The following NLK variants were observed in gnomAD, a reference collection of about 807,000 sequenced individuals.
The protein encoded by NLK is nemo like kinase, also known as serine/threonine-protein kinase NLK.
Under a neutral mutation model 59.0 loss-of-function variants are expected in NLK, and 11 were observed. The ratio of observed to expected loss-of-function variants is 0.19; its 90% CI spans 0.12 to 0.31. NLK has a LOEUF of 0.31. Among genes scored for constraint, NLK ranks in the 10% least tolerant of loss-of-function variants. The probability of loss-of-function intolerance (pLI) is 1.00; values close to 1 mark genes in which losing one functional copy is unlikely to be tolerated. For synonymous variants in NLK, 235 were observed against 235.9 expected (o/e 1.00, Z 0.03); for missense variants, 410 against 661.1 (o/e 0.62, Z 4.16).
At chr17:28,060,971 GAGT>G in intron 1 of NLK, among the ~76,000 whole-genome samples, 1 of 152,314 alleles carries the variant, frequency 6.6e-6, no homozygotes, top group East Asian at 1.9e-4. Context: ...AAATGTCTAT[GAGT>G]AGTAGAGTGG....
At chr17:28,056,873 T>C (rs1315156562) in intron 1 of NLK, among the ~76,000 whole-genome samples, 1 of 152,118 alleles carries the variant, frequency 6.6e-6, no homozygotes, top group Non-Finnish European at 1.5e-5. Flanking sequence ...TTTGAAAGAA[T>C]TGTATGATAT....
chr17:28,191,257 C>T, intron 9 of NLK, 38 bp downstream of exon 9: 1 of 1,492,610 alleles, frequency 6.7e-7, no homozygotes, highest in Non-Finnish European at 9.1e-7. Context: ...GGCAATATGC[C>T]TAGTAACATT....
At chr17:28,156,580 G>A (rs1461221320) in intron 3 of NLK, among the ~76,000 whole-genome samples, 1 of 152,092 alleles carries the variant, frequency 6.6e-6, no homozygotes, top group African/African-American at 2.4e-5. Context: ...GAGGGGGAGG[G>A]GGATGGTCAT....
chr17:28,125,105 C>T (rs1202059946), intron 2 of NLK, among the ~76,000 whole-genome samples: 1 of 151,944 alleles, frequency 6.6e-6, no homozygotes, highest in East Asian at 1.9e-4. Flanking sequence ...TTACTATATT[C>T]CAACCAATCT....
chr17:28,153,731 G>A (rs1304865674), intron 3 of NLK, among the ~76,000 whole-genome samples: 1 of 152,094 alleles, frequency 6.6e-6, no homozygotes, highest in Non-Finnish European at 1.5e-5. Context: ...CCTCTCCCTT[G>A]ACAATTCTGG....
intron 1 of NLK, among the ~76,000 whole-genome samples, chr17:28,103,260 A>G (rs1904963492): frequency 6.6e-6 from 1 of 152,216 alleles, no homozygotes; most frequent in Admixed American, 6.5e-5. Context: ...GAAGTATAGC[A>G]GAAGTTCCAT....
At chr17:28,124,873 A>G (rs771524370) in intron 2 of NLK, among the ~76,000 whole-genome samples, 1 of 151,880 alleles carries the variant, frequency 6.6e-6, no homozygotes, top group African/African-American at 2.4e-5. Context: ...AACGCTGCAA[A>G]ACCCCATCTC....
intron 7 of NLK, among the ~76,000 whole-genome samples, chr17:28,174,304 T>C (rs1050542362): frequency 2.2e-4 from 33 of 152,366 alleles, no homozygotes; most frequent in Non-Finnish European, 2.2e-4. Context: ...TTGAGATGTC[T>C]AAACAAATCA....
chr17:28,101,421 T>C (rs1313836979), intron 1 of NLK, among the ~76,000 whole-genome samples: 1 of 152,196 alleles, frequency 6.6e-6, no homozygotes, highest in Non-Finnish European at 1.5e-5. Flanking sequence ...GCATGGTATA[T>C]TTCTCTTTAT....
chr17:28,120,227 T>A (rs1464264407), intron 1 of NLK, among the ~76,000 whole-genome samples: 1 of 145,176 alleles, frequency 6.9e-6, no homozygotes, highest in Non-Finnish European at 1.5e-5. Context: ...ATTGCAGATT[T>A]GGCTTGGGGT....
At chr17:28,114,181 G>A (rs909807144) in intron 1 of NLK, among the ~76,000 whole-genome samples, 6 of 151,978 alleles carry the variant, frequency 3.9e-5, no homozygotes, top group South Asian at 2.1e-4. Context: ...AGTTTTAAGG[G>A]TATTACAAAT....
At position 28,097,986 on chromosome 17, in the gene NLK, A is replaced by G. The variant is rs1041158664; in HGVS notation, c.459-24617A>G. Among the ~76,000 whole-genome samples the G allele has an allele frequency of 1.1e-4, 16 of 152,260 alleles. No homozygotes were observed. In the East Asian group the frequency reaches 2.9e-3, roughly 28 times the overall value. On this transcript the variant is annotated intron_variant, in intron 1 of 10. Coordinates refer to ENST00000407008, the MANE Select transcript of NLK (RefSeq NM_016231.5). ...AAAAGTTTGTTTCTTGGCACTTTGC[A>G]TTTGCCACTTCTGTAATTTTTTAAG...
intron 1 of NLK, among the ~76,000 whole-genome samples, chr17:28,045,876 T>C (rs1173962580): frequency 1.3e-5 from 2 of 152,246 alleles, no homozygotes; most frequent in Admixed American, 1.3e-4. Context: ...ACAACTTTTT[T>C]CTAAAATGAT....
At chr17:28,059,531 G>A (rs547449054) in intron 1 of NLK, among the ~76,000 whole-genome samples, 15 of 152,194 alleles carry the variant, frequency 9.9e-5, no homozygotes, top group African/African-American at 3.4e-4. Flanking sequence ...TGTGTCCAAA[G>A]TCTTATCTAA....
chr17:28,134,568 A>C (rs953173499), intron 3 of NLK, among the ~76,000 whole-genome samples: 15 of 152,242 alleles, frequency 9.9e-5, no homozygotes, highest in Admixed American at 3.9e-4. Flanking sequence ...GGACTTGAGC[A>C]TCCATAGATT....
chr17:28,091,825 ATAC>A (rs1904505859), intron 1 of NLK, among the ~76,000 whole-genome samples: 1 of 152,226 alleles, frequency 6.6e-6, no homozygotes, highest in Non-Finnish European at 1.5e-5. Context: ...GAAACAGATA[ATAC>A]TGGGTAATGT....
At chr17:28,098,721 T>G (rs1219842530) in intron 1 of NLK, among the ~76,000 whole-genome samples, 1 of 150,256 alleles carries the variant, frequency 6.7e-6, no homozygotes, top group Non-Finnish European at 1.5e-5. Context: ...TTGCTCTTGT[T>G]GCCCAGGCTG....
At chr17:28,188,400 G>A (rs1909195345) in intron 8 of NLK, among the ~76,000 whole-genome samples, 1 of 152,120 alleles carries the variant, frequency 6.6e-6, no homozygotes, top group African/African-American at 2.4e-5. Context: ...AGAGTTCAAT[G>A]AGAACAAGAA....
At chr17:28,121,937 A>G (rs972352120) in intron 1 of NLK, among the ~76,000 whole-genome samples, 2 of 152,182 alleles carry the variant, frequency 1.3e-5, no homozygotes, top group African/African-American at 2.4e-5. Context: ...AAAAGAGAAA[A>G]AAAAGGGAGT....
Sources: gnomAD v4.1 joint callset for allele counts (sites outside exome capture counted in the v4.1 genomes callset) on GRCh38, gnomAD v4.1.1 for gene constraint, MANE v1.5 for transcripts, NCBI Gene and HGNC (gene_info 2026-07-23, HGNC 2026-07-21) for gene names.